FAM193A: variants seen among roughly 807,000 people sequenced by gnomAD.
The protein encoded by FAM193A is protein FAM193A.
FAM193A carries 22 observed loss-of-function variants against 126.5 expected under a neutral mutation model. The ratio of observed to expected loss-of-function variants is 0.17; its 90% CI spans 0.12 to 0.25. The LOEUF is 0.25. Among genes scored for constraint, FAM193A ranks in the 10% least tolerant of loss-of-function variants. The probability of loss-of-function intolerance (pLI) is 1.00; values close to 1 mark genes in which losing one functional copy is unlikely to be tolerated. For synonymous variants in FAM193A, 761 were observed against 646.8 expected, an observed-to-expected ratio of 1.18 and a Z score of -2.68; for missense variants, 1,675 against 1,672.8, an observed-to-expected ratio of 1.00 and a Z score of -0.02.
At position 2,719,641 on chromosome 4, in the gene FAM193A, A is replaced by C. The variant is rs182427702; in HGVS notation, c.4454+3537A>C. 3.4e-3 allele frequency among the ~76,000 whole-genome samples: 507 copies of C among 150,656 alleles called. 2 individuals carry two copies. The highest frequency in any genetic ancestry group is 0.012 in the African/African-American group (485 of 40,962). On this transcript the variant is annotated intron_variant, in intron 20 of 20. Transcript: ENST00000637812. ...ATGCCTGTAATCCCAGCTACTCGGG[A>C]GGCTAAGGCAGGAGAATCACTTGAA...
rs570440096 is a variant in FAM193A at position 2,642,488 on chromosome 4, C to T, written c.1163+2629C>T. 1.4e-4 allele frequency among the ~76,000 whole-genome samples: 21 copies of T among 152,162 alleles called. 1 individual carries two copies. The South Asian group carries it at 1.9e-3, about 14-fold the overall frequency. ...CTGACCCTTGCAGAAGAAAAGGCAT[C>T]GGAAGAGAATTCACAGTGGTGAATC... On this transcript the variant is annotated intron_variant, in intron 6 of 20. Coordinates refer to ENST00000637812, the MANE Select transcript of FAM193A (RefSeq NM_001366318.2).
intron 2 of FAM193A, among the ~76,000 whole-genome samples, chr4:2,624,115 C>T (rs560644493): frequency 5.9e-5 from 9 of 151,880 alleles, no homozygotes; most frequent in African/African-American, 2.2e-4. Context: ...GTTGTGTTCT[C>T]TAGTTGTTGT....
chr4:2,721,928 T>C (rs1179643812), intron 20 of FAM193A, among the ~76,000 whole-genome samples: 2 of 152,200 alleles, frequency 1.3e-5, no homozygotes, highest in Non-Finnish European at 2.9e-5. Flanking sequence ...TGGAGAACTC[T>C]CACAGACATA....
In FAM193A at chr4:2,721,622, C is replaced by G. The variant is rs1400366803; in HGVS notation, c.4454+5518C>G. Among the ~76,000 whole-genome samples the G allele has an allele frequency of 4.6e-5, 7 of 152,248 alleles. 1 individual carries two copies. Among genetic ancestry groups the G allele is most frequent in the Non-Finnish European group, 4.4e-5 (3 of 68,046 alleles). On this transcript the variant is annotated intron_variant, in intron 20 of 20. Transcript: ENST00000637812. Reference sequence around the variant, plus strand: ...GAGGTGCTGCTGCTTCATGGGTTTGCAGCTAGCGAGCCCTCCCTCTCTCCT... The same window carrying G: ...GAGGTGCTGCTGCTTCATGGGTTTGGAGCTAGCGAGCCCTCCCTCTCTCCT...
chr4:2,592,848 G>C (rs1047833189), intron 1 of FAM193A, among the ~76,000 whole-genome samples: 12 of 152,230 alleles, frequency 7.9e-5, no homozygotes, highest in Non-Finnish European at 2.9e-5. Context: ...CTGCGCCTGG[G>C]CTAGCACCCT....
chr4:2,660,803 T>C (rs567566768), intron 10 of FAM193A, among the ~76,000 whole-genome samples: 1 of 152,346 alleles, frequency 6.6e-6, no homozygotes, highest in South Asian at 2.1e-4. Flanking sequence ...TCATGGTGAC[T>C]GACGTTTTCC....
rs562494160 is a variant in FAM193A at position 2,625,239 on chromosome 4, A to G, written c.502-23A>G. On this transcript the variant is annotated intron_variant, in intron 2 of 20. Transcript: ENST00000637812. ...GTGAACATTTTAACATAACTGGTCTATTCTGTTCTCTTTTTAAAACAGAGC... is the reference window on the plus strand; with the variant it reads ...GTGAACATTTTAACATAACTGGTCTGTTCTGTTCTCTTTTTAAAACAGAGC... 5.7e-6 allele frequency: 4 copies of G among 696,014 alleles called. No individual in the cohort carries two copies. In the East Asian group the frequency reaches 8.1e-5, roughly 14 times the overall value. The allele number at this position is 696,014 out of a possible 1,614,324, so 43.1% of individuals were successfully genotyped here. A position where few individuals can be genotyped will look rare whatever the true frequency, so the allele number is the denominator to read the frequency against.
Position 2,660,046 on chromosome 4 carries a change from A to G in FAM193A, c.1737A>G (p.Ala579=). The change falls in exon 10 of 21, where the codon GCA becomes GCG. Residue 579 remains alanine (A), a synonymous_variant. Coordinates refer to ENST00000637812, the MANE Select transcript of FAM193A (RefSeq NM_001366318.2). ...PRLILTDSGS[A]PTFCSDDEDV... ...TCATCCTCACAGACAGTGGCTCGGC[A>G]CCAACTTTGTAAGTTGTGACTTTGT... The G allele has an allele frequency of 1.2e-6, 2 of 1,613,596 alleles. No homozygotes were observed. The highest frequency in any genetic ancestry group is 1.7e-6 in the Non-Finnish European group (2 of 1,179,524).
intron 1 of FAM193A, among the ~76,000 whole-genome samples, chr4:2,541,478 G>A (rs1255267906): frequency 3.0e-5 from 4 of 134,882 alleles, no homozygotes; most frequent in African/African-American, 8.6e-5. Context: ...ACAGAGTCTC[G>A]CTCTGTCACC....
At chr4:2,622,664 G>A (rs1742627618) in intron 2 of FAM193A, among the ~76,000 whole-genome samples, 1 of 152,178 alleles carries the variant, frequency 6.6e-6, no homozygotes, top group African/African-American at 2.4e-5. Flanking sequence ...TAAGATCAAG[G>A]TGCTGGCAGA....
At chr4:2,621,635 C>G (rs1039777780) in intron 2 of FAM193A, among the ~76,000 whole-genome samples, 9 of 152,128 alleles carry the variant, frequency 5.9e-5, no homozygotes, top group Non-Finnish European at 1.2e-4. Context: ...AGGTGTGCCA[C>G]TAGAGAGAGC....
At chr4:2,561,763 C>T (rs1224257392) in intron 1 of FAM193A, among the ~76,000 whole-genome samples, 4 of 152,152 alleles carry the variant, frequency 2.6e-5, no homozygotes, top group African/African-American at 9.7e-5. Context: ...TCCCAAAGTG[C>T]TGGGATTACA....
At chr4:2,541,363 T>G (rs571145556) in intron 1 of FAM193A, among the ~76,000 whole-genome samples, 2 of 151,814 alleles carry the variant, frequency 1.3e-5, no homozygotes, top group South Asian at 4.1e-4. Flanking sequence ...CAAAATATTT[T>G]AATACTTTTC....
intron 10 of FAM193A, among the ~76,000 whole-genome samples, chr4:2,662,106 C>T (rs1175636511): frequency 7.2e-5 from 11 of 152,188 alleles, no homozygotes; most frequent in African/African-American, 2.2e-4. Context: ...TGGCGTGAAC[C>T]TGGGGGGTGG....
At chr4:2,678,196 G>C (rs1001244545) in intron 13 of FAM193A, among the ~76,000 whole-genome samples, 9 of 152,046 alleles carry the variant, frequency 5.9e-5, no homozygotes, top group African/African-American at 2.2e-4. Context: ...GTGTTAGCCA[G>C]GATGGTCCCA....
chr4:2,725,309 G>A (rs1337977803), intron 20 of FAM193A, among the ~76,000 whole-genome samples: 1 of 151,882 alleles, frequency 6.6e-6, no homozygotes, highest in African/African-American at 2.4e-5. Context: ...GCTGGGCATG[G>A]TGGCACACTA....
chr4:2,692,345 G>A (rs1044962239), intron 15 of FAM193A, among the ~76,000 whole-genome samples: 5 of 152,162 alleles, frequency 3.3e-5, no homozygotes, highest in African/African-American at 7.2e-5. Context: ...CCATCCCCAC[G>A]CTTCAGTTGT....
intron 1 of FAM193A, among the ~76,000 whole-genome samples, chr4:2,542,072 G>A (rs1239413607): frequency 6.6e-6 from 1 of 151,516 alleles, no homozygotes; most frequent in Admixed American, 6.6e-5. Context: ...CTGGCGTACA[G>A]TGGGGTGATC....
chr4:2,688,270 T>C (rs957667558), intron 13 of FAM193A, among the ~76,000 whole-genome samples: 7 of 152,088 alleles, frequency 4.6e-5, no homozygotes, highest in Non-Finnish European at 2.9e-5. Flanking sequence ...GAATTATAAC[T>C]GTGGTAAGTG....
Sources: gnomAD v4.1 joint callset for allele counts (sites outside exome capture counted in the v4.1 genomes callset) on GRCh38, gnomAD v4.1.1 for gene constraint, MANE v1.5 for transcripts, NCBI Gene and HGNC (gene_info 2026-07-23, HGNC 2026-07-21) for gene names.